Variants in ECT2L observed in about 807,000 individuals in gnomAD.
The protein encoded by ECT2L is epithelial cell-transforming sequence 2 oncogene-like.
In ECT2L, 126 loss-of-function variants were observed where a neutral mutation model predicts 122.8. That is an observed-to-expected ratio of 1.03 (90% CI 0.89 to 1.19). The LOEUF (loss-of-function observed/expected upper bound fraction) is 1.19, where lower values mean the gene tolerates loss of function less well. ECT2L is among the 50% of genes most tolerant of loss of function. The probability of loss-of-function intolerance (pLI) is 0.00; values close to 1 mark genes in which losing one functional copy is unlikely to be tolerated. For synonymous variants in ECT2L, 385 were observed against 381.8 expected (o/e 1.01, Z -0.10); for missense variants, 1,012 against 1,064.1 (o/e 0.95, Z 0.68).
In ECT2L at chr6:138,806,259, G is replaced by C. The variant is rs145057824; in HGVS notation, c.-243-6579G>C. The stretch of plus-strand genomic sequence containing the variant: ...AATTTCTTGGTCCTTCTTACTTCAA[G>C]CTGGCCATGCTTTCATGAGAACAAG... On this transcript the variant is annotated intron_variant, in intron 1 of 21. Transcript: ENST00000541398. 6.2e-4 allele frequency among the ~76,000 whole-genome samples: 95 copies of C among 152,294 alleles called. 1 individual carries two copies. Among genetic ancestry groups the C allele is most frequent in the African/African-American group, 2.2e-3 (92 of 41,558 alleles).
chr6:138,889,319 T>C (rs1408120704), intron 20 of ECT2L, among the ~76,000 whole-genome samples: 1 of 152,014 alleles, frequency 6.6e-6, no homozygotes, highest in Non-Finnish European at 1.5e-5. Flanking sequence ...GTCACTTTTC[T>C]TTTTTCTTTT....
intron 1 of ECT2L, among the ~76,000 whole-genome samples, chr6:138,809,658 A>G (rs1162319163): frequency 1.3e-5 from 2 of 152,082 alleles, no homozygotes; most frequent in African/African-American, 2.4e-5. Flanking sequence ...TTATGCATCT[A>G]TATTTATGGT....
chr6:138,868,016 A>AAAG lies in ECT2L; in HGVS notation c.1475-85_1475-84insGAA, dbSNP rs1554276287. The AAAG allele has an allele frequency of 6.0e-3, 4,195 of 701,030 alleles. 15 individuals are homozygous for AAAG. Among genetic ancestry groups the AAAG allele is most frequent in the Non-Finnish European group, 7.3e-3 (3,376 of 460,996 alleles). 43.4% of individuals were successfully genotyped at this position (701,030 alleles called of 1,614,324 possible). ...TTCTGTCTCAAAAAAAAAAAAAAAA[A>AAAG]AAAGAAACTGTGAGGACTGAGTTGT... On this transcript the variant is annotated intron_variant, in intron 12 of 21. Coordinates refer to ENST00000541398, the MANE Select transcript of ECT2L (RefSeq NM_001077706.3).
At chr6:138,871,141 C>T (rs182728508) in intron 13 of ECT2L, among the ~76,000 whole-genome samples, 11 of 152,258 alleles carry the variant, frequency 7.2e-5, no homozygotes, top group Admixed American at 2.0e-4. Context: ...CATGAAATAA[C>T]CAGGATTCAA....
chr6:138,880,708 C>T (rs1410664759), intron 14 of ECT2L, among the ~76,000 whole-genome samples: 1 of 152,138 alleles, frequency 6.6e-6, no homozygotes, highest in Non-Finnish European at 1.5e-5. Flanking sequence ...AAATAAGTTT[C>T]AAACTGCCTT....
At chr6:138,824,566 A>AC (rs77959112) in intron 4 of ECT2L, among the ~76,000 whole-genome samples, 2 of 127,568 alleles carry the variant, frequency 1.6e-5, no homozygotes, top group Non-Finnish European at 3.4e-5. Flanking sequence ...TATAAAAAAA[A>AC]ACAAAAAACA....
At chr6:138,896,745 T>TCAAGCGATTCTCCTGCCTC (rs1779231512) in intron 20 of ECT2L, among the ~76,000 whole-genome samples, 1 of 152,128 alleles carries the variant, frequency 6.6e-6, no homozygotes, top group Non-Finnish European at 1.5e-5. Context: ...CCTCCTGGGT[T>TCAAGCGATTCTCCTGCCTC]CAAGCGATTC....
Position 138,854,054 on chromosome 6 carries a change from G to A in ECT2L, c.1098G>A (p.Leu366=). ...ATAAAATTGGTGTTAAAAATTTACT[G>A]AGGCCTGAAGTGAGAGATTTCTGGG... ...QGYKIGVKNL[L]RPEVRDFWEK... is the part of the protein sequence containing the mutation. The change falls in exon 10 of 22, where the codon CTG becomes CTA. Residue 366 remains leucine, a synonymous_variant. Transcript: ENST00000541398. 1.2e-6 allele frequency: 2 copies of A among 1,613,950 alleles called. No individual in the cohort carries two copies. Among genetic ancestry groups the A allele is most frequent in the Non-Finnish European group, 1.7e-6 (2 of 1,179,942 alleles).
At chr6:138,891,010 T>C (rs1270929690) in intron 20 of ECT2L, among the ~76,000 whole-genome samples, 1 of 152,160 alleles carries the variant, frequency 6.6e-6, no homozygotes, top group African/African-American at 2.4e-5. Flanking sequence ...ACTCCTCCTC[T>C]CGGCCAAGGG....
chr6:138,800,392 A>G (rs992199305), intron 1 of ECT2L, among the ~76,000 whole-genome samples: 2 of 152,206 alleles, frequency 1.3e-5, no homozygotes, highest in Admixed American at 6.5e-5. Context: ...TTGGTTTTAT[A>G]CACTAAGGTT....
chr6:138,852,517 T>C (rs760509838), intron 9 of ECT2L, among the ~76,000 whole-genome samples: 23 of 152,124 alleles, frequency 1.5e-4, no homozygotes, highest in Non-Finnish European at 2.8e-4. Flanking sequence ...TGATCCCAGA[T>C]ATGGCTGGAG....
intron 4 of ECT2L, among the ~76,000 whole-genome samples, chr6:138,818,947 G>A (rs1241448636): frequency 6.6e-6 from 1 of 152,080 alleles, no homozygotes; most frequent in Non-Finnish European, 1.5e-5. Flanking sequence ...TGCACAGGTG[G>A]GCCAAGGGGA....
At chr6:138,858,272 T>G (rs1180143104) in intron 10 of ECT2L, among the ~76,000 whole-genome samples, 1 of 152,106 alleles carries the variant, frequency 6.6e-6, no homozygotes, top group Non-Finnish European at 1.5e-5. Flanking sequence ...GATGTTTAAT[T>G]TTCACATCTA....
At chr6:138,819,754 G>A (rs6570290) in intron 4 of ECT2L, among the ~76,000 whole-genome samples, 50,416 of 151,748 alleles carry the variant, frequency 0.33, 8,542 homozygotes, top group Non-Finnish European at 0.37. Flanking sequence ...GGGCGTGGTG[G>A]CGGGCACCTC....
intron 1 of ECT2L, among the ~76,000 whole-genome samples, chr6:138,797,741 G>A (rs900722680): frequency 4.0e-5 from 6 of 151,826 alleles, no homozygotes; most frequent in African/African-American, 7.2e-5. Context: ...TCTTCCCACC[G>A]ACAACCAATT....
In ECT2L at chr6:138,843,106, C is replaced by G. The variant is rs754292849; in HGVS notation, c.470C>G (p.Pro157Arg). Reference sequence around the variant, plus strand: ...GTGTCCCACTTAGACTGGCTGACACCTAGGGAGGCTGCTGCTACTTATGGG... The same window carrying G: ...GTGTCCCACTTAGACTGGCTGACACGTAGGGAGGCTGCTGCTACTTATGGG... Reference protein sequence around the residue: ...ACVSHLDWLTPREAAATYGTL... With the variant: ...ACVSHLDWLTRREAAATYGTL... The change falls in exon 6 of 22, where the codon CCT (proline) becomes CGT (arginine). Residue 157 changes from proline (P) to arginine (R), a missense_variant. Pro to Arg is a moderately radical substitution (Grantham distance 103). Coordinates refer to ENST00000541398, the MANE Select transcript of ECT2L (RefSeq NM_001077706.3). 1.5e-5 allele frequency: 24 copies of G among 1,613,880 alleles called. No individual in the cohort carries two copies. Among genetic ancestry groups the G allele is most frequent in the Non-Finnish European group, 1.9e-5 (23 of 1,179,956 alleles).
At position 138,847,354 on chromosome 6, in the gene ECT2L, ACTTTTTTTTTTTTTTTTTTTTT is replaced by A. The variant is rs1278172652; in HGVS notation, c.903+678_903+699del. On this transcript the variant is annotated intron_variant, in intron 8 of 21. Transcript: ENST00000541398. ...TTTTGAAAAAGCATTAAAGGCCCAA[ACTTTTTTTTTTTTTTTTTTTTT>A]TTTTTTTTTTTTGAGATGGAGTCTC... is the stretch of plus-strand genomic sequence containing the variant. 1.0e-3 allele frequency among the ~76,000 whole-genome samples: 112 copies of A among 111,064 alleles called. 3 individuals carry two copies. Among genetic ancestry groups the A allele is most frequent in the African/African-American group, 4.2e-3 (106 of 24,946 alleles). 72.9% of individuals were successfully genotyped at this position (111,064 alleles called of 152,430 possible). A position where few individuals can be genotyped will look rare whatever the true frequency, so the allele number is the denominator to read the frequency against.
At chr6:138,853,150 T>G (rs928114927) in intron 9 of ECT2L, among the ~76,000 whole-genome samples, 1 of 152,084 alleles carries the variant, frequency 6.6e-6, no homozygotes, top group Admixed American at 6.6e-5. Flanking sequence ...GTATTTTTAG[T>G]AGAGATGGGG....
At chr6:138,876,859 T>G (rs981480927) in intron 14 of ECT2L, among the ~76,000 whole-genome samples, 6 of 152,204 alleles carry the variant, frequency 3.9e-5, no homozygotes, top group Admixed American at 2.0e-4. Flanking sequence ...AAATGGCACA[T>G]GGACAAAGGC....
Sources: gnomAD v4.1 joint callset for allele counts (sites outside exome capture counted in the v4.1 genomes callset) on GRCh38, gnomAD v4.1.1 for gene constraint, MANE v1.5 for transcripts, NCBI Gene and HGNC (gene_info 2026-07-23, HGNC 2026-07-21) for gene names.